The following EIF3D variants were observed in gnomAD, a reference collection of about 807,000 sequenced individuals.
EIF3D encodes eIF3 p66.
EIF3D carries 10 observed loss-of-function variants against 75.4 expected under a neutral mutation model. The observed-to-expected ratio is 0.13, with a 90% CI of 0.08 to 0.22. The LOEUF is 0.22. Ranked by LOEUF, EIF3D falls within the 10% of genes least tolerant of loss-of-function variation. The pLI is 1.00. For missense variants in EIF3D, 394 were observed against 708.0 expected (o/e 0.56, Z 5.03); for synonymous variants, 246 against 248.3 (o/e 0.99, Z 0.09).
intron 14 of EIF3D, 198 bp from the exon 15 acceptor site, chr22:36,511,198 C>T (rs1286078381): frequency 1.2e-6 from 1 of 818,538 alleles, no homozygotes; most frequent in African/African-American, 1.7e-5. Context: ...AACTTTCAGG[C>T]TATTTAACCC....
Position 36,527,271 on chromosome 22 carries a change from T to A in EIF3D, c.-10-1140A>T, listed in dbSNP as rs549336740. 2.9e-4 allele frequency among the ~76,000 whole-genome samples: 44 copies of A among 152,352 alleles called. No individual in the cohort carries two copies. The South Asian group carries it at 8.5e-3, about 29-fold the overall frequency. ...AATCCTGTGAGGTAGGAGCCAATGTTATCCGCACTCTCCAGATAAGAAAAC... is the reference window on the plus strand; with the variant it reads ...AATCCTGTGAGGTAGGAGCCAATGTAATCCGCACTCTCCAGATAAGAAAAC... On this transcript the variant is annotated intron_variant, in intron 1 of 14. Coordinates refer to ENST00000216190, the MANE Select transcript of EIF3D (RefSeq NM_003753.4).
chr22:36,527,583 G>C (rs1479467622), intron 1 of EIF3D, among the ~76,000 whole-genome samples: 1 of 152,248 alleles, frequency 6.6e-6, no homozygotes, highest in Non-Finnish European at 1.5e-5. Flanking sequence ...GCTCACGCCT[G>C]TAATCCCAGC....
intron 12 of EIF3D, among the ~76,000 whole-genome samples, chr22:36,513,086 T>C (rs1934367941): frequency 6.6e-6 from 1 of 152,082 alleles, no homozygotes; most frequent in Admixed American, 6.6e-5. Flanking sequence ...AAGCCTGCAG[T>C]GGGTGCAAAG....
intron 9 of EIF3D, 140 bp downstream of exon 9, chr22:36,518,623 G>A: frequency 5.9e-6 from 5 of 844,142 alleles, no homozygotes; most frequent in South Asian, 2.3e-5. Flanking sequence ...TCTAAAGAGT[G>A]TGGGAGATTC....
At position 36,511,607 on chromosome 22, in the gene EIF3D, T is replaced by C. The variant is rs1934338215; in HGVS notation, c.1529A>G (p.Lys510Arg). 6.2e-7 allele frequency: 1 copy of C among 1,614,024 alleles called. No homozygotes were observed. Among genetic ancestry groups the C allele is most frequent in the Non-Finnish European group, 8.5e-7 (1 of 1,180,034 alleles). Residue 510 changes from lysine (K) to arginine (R), a missense_variant, in exon 14 of 15, where the codon AAG (lysine) becomes AGG (arginine). By Grantham distance (26) the Lys-to-Arg change is conservative. Coordinates refer to ENST00000216190, the MANE Select transcript of EIF3D (RefSeq NM_003753.4). ...KLEEGKYLIL[K>R]DPNKQVIRVY... is the part of the protein sequence containing the mutation. ...ACGGATGACCTGCTTGTTGGGGTCC[T>C]TGAGGATGAGGTATTTGCCCTCCTC... is the stretch of plus-strand genomic sequence containing the variant.
Position 36,516,414 on chromosome 22 carries a change from A to C in EIF3D, c.1206+64T>G, listed in dbSNP as rs1391172153. 7.0e-6 allele frequency: 11 copies of C among 1,571,690 alleles called. No homozygotes were observed. The African/African-American group carries it at 1.4e-4, about 19-fold the overall frequency. ...ACAGTTTATACAACCTAGCCTGCGT[A>C]AACAGGCACTGTAGGGAATAGAGAC... is the stretch of plus-strand genomic sequence containing the variant. On this transcript the variant is annotated intron_variant, in intron 12 of 14. Transcript: ENST00000216190.
At chr22:36,518,728 A>C (rs1934466470) in intron 9 of EIF3D, 35 bp downstream of exon 9, 1 of 1,611,248 alleles carries the variant, frequency 6.2e-7, no homozygotes. Flanking sequence ...AAAATACTCA[A>C]TGCCTTTGAG....
At chr22:36,521,805 C>T (rs1302637556) in intron 6 of EIF3D, among the ~76,000 whole-genome samples, 1 of 150,082 alleles carries the variant, frequency 6.7e-6, no homozygotes, top group Non-Finnish European at 1.5e-5. Context: ...GACATGTTGG[C>T]ACGTGCCTGT....
In EIF3D at chr22:36,517,435, CA is replaced by C. The variant is rs779283047; in HGVS notation, c.860-5del. ...GTCTCACTCACTGTCAGGAGGTCTG[CA>C]AAAGCGTGGCATGGTCACTCACCAT... On this transcript the variant is annotated splice_polypyrimidine_tract_variant and splice_region_variant and intron_variant, in intron 9 of 14. Coordinates refer to ENST00000216190, the MANE Select transcript of EIF3D (RefSeq NM_003753.4). The C allele has an allele frequency of 6.2e-7, 1 of 1,606,730 alleles. No homozygotes were observed. The highest frequency in any genetic ancestry group is 8.5e-7 in the Non-Finnish European group (1 of 1,176,944).
chr22:36,512,696 T>C (rs1934359090), intron 12 of EIF3D, 94 bp from the exon 13 acceptor site: 3 of 1,450,860 alleles, frequency 2.1e-6, no homozygotes, highest in Non-Finnish European at 2.8e-6. Flanking sequence ...CCTAGTCTGC[T>C]TGCTTAGAAA....
intron 10 of EIF3D, 30 bp downstream of exon 10, chr22:36,517,271 G>T: frequency 6.2e-7 from 1 of 1,613,300 alleles, no homozygotes; most frequent in Non-Finnish European, 8.5e-7. Flanking sequence ...AAATAAGAAT[G>T]AATCAATGCC....
At chr22:36,515,831 G>C (rs1344116151) in intron 12 of EIF3D, among the ~76,000 whole-genome samples, 1 of 137,432 alleles carries the variant, frequency 7.3e-6, no homozygotes, top group Non-Finnish European at 1.5e-5. Context: ...AAAAATCCAA[G>C]AAAAGGCCGC....
chr22:36,529,099 G>C lies in EIF3D; in HGVS notation c.-34C>G. ...ACCTGCAATGGCCTCGGCCGGCCGG[G>C]ATGGCAACAGATGGTGCGTGCCGGG... is the stretch of plus-strand genomic sequence containing the variant. On this transcript the variant is annotated 5_prime_UTR_variant, in exon 1 of 15. It adds an upstream start codon to the 5' untranslated region. Transcript: ENST00000216190. 5.1e-6 allele frequency: 2 copies of C among 394,288 alleles called. No individual in the cohort carries two copies. Among genetic ancestry groups the C allele is most frequent in the Non-Finnish European group, 8.9e-6 (2 of 223,664 alleles). 24.4% of individuals were successfully genotyped at this position (394,288 alleles called of 1,614,324 possible).
In EIF3D at chr22:36,512,727, TC is replaced by T. The variant is rs1166696120; in HGVS notation, c.1207-126del. 2.4e-5 allele frequency: 27 copies of T among 1,111,526 alleles called. No homozygotes were observed. In the Middle Eastern group the frequency reaches 8.5e-4, roughly 35 times the overall value. 68.9% of individuals were successfully genotyped at this position (1,111,526 alleles called of 1,614,324 possible). On this transcript the variant is annotated intron_variant, in intron 12 of 14. Coordinates refer to ENST00000216190, the MANE Select transcript of EIF3D (RefSeq NM_003753.4). ...AGAAAGTGGGTAGGTACGCACTAAA[TC>T]TTACCATTTAAGAGACAAAGACATA... is the stretch of plus-strand genomic sequence containing the variant.
At chr22:36,527,065 GC>G (rs1934616416) in intron 1 of EIF3D, among the ~76,000 whole-genome samples, 1 of 152,178 alleles carries the variant, frequency 6.6e-6, no homozygotes, top group Non-Finnish European at 1.5e-5. Context: ...TCAATTTTCT[GC>G]CATCAACGCA....
At chr22:36,517,163 G>T in intron 10 of EIF3D, 138 bp downstream of exon 10, 1 of 1,159,552 alleles carries the variant, frequency 8.6e-7, no homozygotes. Context: ...GCCCAGGCAT[G>T]TAACTCCCCT....
intron 12 of EIF3D, among the ~76,000 whole-genome samples, chr22:36,514,382 C>G (rs1934390375): frequency 6.6e-6 from 1 of 152,154 alleles, no homozygotes; most frequent in Admixed American, 6.5e-5. Flanking sequence ...GAACCTATGG[C>G]TAGGATCAAG....
rs1034180761 is a variant in EIF3D, at chr22:36,529,125, G to A, written c.-60C>T. On this transcript the variant is annotated 5_prime_UTR_variant, in exon 1 of 15. Transcript: ENST00000216190. ...ATGGCAACAGATGGTGCGTGCCGGG[G>A]ACCGCGTTAGCAGCAGCACTCTTGA... 2.8e-5 allele frequency: 11 copies of A among 395,654 alleles called. No homozygotes were observed. Among genetic ancestry groups the A allele is most frequent in the African/African-American group, 2.1e-4 (10 of 48,694 alleles). 24.5% of individuals were successfully genotyped at this position (395,654 alleles called of 1,614,324 possible).
At position 36,511,874 on chromosome 22, in the gene EIF3D, C is replaced by G; in HGVS notation, c.1350-88G>C. 7 of 1,504,788 alleles carry G rather than the reference C, an allele frequency of 4.7e-6. No homozygotes were observed. In the South Asian group the frequency reaches 7.8e-5, roughly 17 times the overall value. 93.2% of individuals were successfully genotyped at this position (1,504,788 alleles called of 1,614,324 possible). On this transcript the variant is annotated intron_variant, in intron 13 of 14. Transcript: ENST00000216190. The stretch of plus-strand genomic sequence containing the variant: ...TCAAATGTCAATTAAATGGTGATAC[C>G]TGGTCCACTGCTATTTTTTCTTTTT...
Sources: allele counts gnomAD v4.1 joint callset (sites outside exome capture counted in the v4.1 genomes callset), GRCh38; gene constraint gnomAD v4.1.1; transcripts MANE v1.5; gene names NCBI Gene and HGNC (gene_info 2026-07-23, HGNC 2026-07-21).